Variants in UBE2K observed in about 807,000 individuals in gnomAD.
UBE2K encodes the protein ubiquitin-conjugating enzyme E2 K.
In UBE2K, 6 loss-of-function variants were observed where a neutral mutation model predicts 30.0. The ratio of observed to expected loss-of-function variants is 0.20; its 90% CI spans 0.11 to 0.39. UBE2K has a LOEUF of 0.39. UBE2K is among the 10% of genes least tolerant of loss of function. The pLI, the probability that UBE2K is intolerant of heterozygous loss-of-function variation, is 1.00. For synonymous variants in UBE2K, 86 were observed against 83.7 expected (o/e 1.03, Z -0.15); for missense variants, 61 against 241.6 (o/e 0.25, Z 4.96).
intron 5 of UBE2K, 123 bp from the exon 6 acceptor site, chr4:39,777,559 G>T: frequency 1.0e-6 from 1 of 958,604 alleles, no homozygotes. Context: ...AATGCAAAGT[G>T]AATCACATTT....
At chr4:39,720,280 G>A (rs533174090) in intron 1 of UBE2K, among the ~76,000 whole-genome samples, 84 of 151,528 alleles carry the variant, frequency 5.5e-4, no homozygotes, top group African/African-American at 2.0e-3. Context: ...ATGATGGAAT[G>A]TCCAAGCCCA....
At chr4:39,766,423 A>G (rs1375103637) in intron 4 of UBE2K, among the ~76,000 whole-genome samples, 4 of 150,838 alleles carry the variant, frequency 2.7e-5, no homozygotes, top group East Asian at 3.9e-4. Flanking sequence ...GACACTTTAT[A>G]TATCTTCTTT....
At chr4:39,698,459 C>T in intron 1 of UBE2K, 69 bp downstream of exon 1, 1 of 1,444,128 alleles carries the variant, frequency 6.9e-7, no homozygotes, top group Non-Finnish European at 9.6e-7. Flanking sequence ...GCTGCGACCC[C>T]GATATCCCCG....
chr4:39,758,300 C>T (rs1711632433), intron 4 of UBE2K, among the ~76,000 whole-genome samples: 1 of 152,160 alleles, frequency 6.6e-6, no homozygotes, highest in Non-Finnish European at 1.5e-5. Flanking sequence ...TACCTCTAGC[C>T]TGCATGATTG....
At chr4:39,756,598 G>A (rs182569659) in intron 4 of UBE2K, among the ~76,000 whole-genome samples, 7 of 151,986 alleles carry the variant, frequency 4.6e-5, no homozygotes, top group Admixed American at 3.9e-4. Context: ...GAATACAGGC[G>A]CATACCACCA....
intron 2 of UBE2K, among the ~76,000 whole-genome samples, chr4:39,744,768 G>A (rs1426048054): frequency 1.1e-4 from 17 of 151,364 alleles, no homozygotes; most frequent in Admixed American, 9.9e-4. Flanking sequence ...TTAGCCAGGC[G>A]TGGTGATGGG....
At chr4:39,723,742 G>A (rs572218642) in intron 1 of UBE2K, among the ~76,000 whole-genome samples, 1 of 152,282 alleles carries the variant, frequency 6.6e-6, no homozygotes, top group South Asian at 2.1e-4. Context: ...TTTGTTAAGG[G>A]AAAATAATAA....
intron 4 of UBE2K, among the ~76,000 whole-genome samples, chr4:39,765,938 T>TACATACATACAC (rs1258930076): frequency 1.3e-5 from 2 of 149,384 alleles, no homozygotes; most frequent in African/African-American, 5.0e-5. Context: ...CATACATACA[T>TACATACATACAC]ACACACACAC....
In UBE2K at chr4:39,771,468, C is replaced by G. The variant is rs1712830059; in HGVS notation, c.300-3366C>G. On this transcript the variant is annotated intron_variant, in intron 4 of 6. Coordinates refer to ENST00000261427, the MANE Select transcript of UBE2K (RefSeq NM_005339.5). Reference sequence around the variant, plus strand: ...GGGGGTGGGCAACCCTGGCCCGGTTCCGCGCGCTGTTTTTTTTTAATCCCC... The same window carrying G: ...GGGGGTGGGCAACCCTGGCCCGGTTGCGCGCGCTGTTTTTTTTTAATCCCC... 3.9e-6 allele frequency: 6 copies of G among 1,533,312 alleles called. No individual in the cohort carries two copies. The South Asian group carries it at 7.5e-5, about 19-fold the overall frequency. The allele number at this position is 1,533,312 out of a possible 1,614,324, so 95.0% of individuals were successfully genotyped here.
At chr4:39,767,311 G>T (rs202240350) in intron 4 of UBE2K, among the ~76,000 whole-genome samples, 114 of 108,004 alleles carry the variant, frequency 1.1e-3, no homozygotes, top group African/African-American at 2.3e-3. Flanking sequence ...TTTTTTTTTT[G>T]TGTGTGTGTT....
At chr4:39,712,681 A>G (rs1718776008) in intron 1 of UBE2K, among the ~76,000 whole-genome samples, 1 of 151,912 alleles carries the variant, frequency 6.6e-6, no homozygotes, top group Non-Finnish European at 1.5e-5. Context: ...CGGCCTCCCA[A>G]AGTGCTGGGA....
chr4:39,770,281 T>A, intron 4 of UBE2K: 1 of 1,611,200 alleles, frequency 6.2e-7, no homozygotes, highest in Non-Finnish European at 8.5e-7. Flanking sequence ...GTGAAGCACT[T>A]GCCGCAGATG....
intron 4 of UBE2K, among the ~76,000 whole-genome samples, chr4:39,757,004 T>TG (rs1553878969): frequency 1.7e-4 from 23 of 137,908 alleles, no homozygotes; most frequent in African/African-American, 5.9e-4. Flanking sequence ...TTGGGTGTTT[T>TG]TTTTTTGTTT....
chr4:39,709,191 A>G (rs1718539132), intron 1 of UBE2K, among the ~76,000 whole-genome samples: 1 of 152,052 alleles, frequency 6.6e-6, no homozygotes, highest in African/African-American at 2.4e-5. Flanking sequence ...AACATTCAGT[A>G]AACGGATAGC....
Position 39,718,470 on chromosome 4 carries a change from G to T in UBE2K, c.64-18950G>T, listed in dbSNP as rs1474047019. ...GCCTCACCCAGTGGATCTCGCACCG[G>T]GGCCACAGGTGGAGCTGCCCGCCAG... On this transcript the variant is annotated intron_variant, in intron 1 of 6. Coordinates refer to ENST00000261427, the MANE Select transcript of UBE2K (RefSeq NM_005339.5). Among the ~76,000 whole-genome samples the T allele has an allele frequency of 2.0e-5, 3 of 152,240 alleles. No homozygotes were observed. In the South Asian group the frequency reaches 6.2e-4, roughly 31 times the overall value.
chr4:39,757,682 A>G (rs1245618566), intron 4 of UBE2K, among the ~76,000 whole-genome samples: 1 of 152,144 alleles, frequency 6.6e-6, no homozygotes, highest in East Asian at 1.9e-4. Context: ...GAACTTCTTA[A>G]GTGTCAGTGT....
At chr4:39,752,613 G>A (rs190874672) in intron 3 of UBE2K, among the ~76,000 whole-genome samples, 2 of 152,256 alleles carry the variant, frequency 1.3e-5, no homozygotes, top group African/African-American at 4.8e-5. Context: ...TGGGATTACA[G>A]GCATGAGCCA....
chr4:39,770,997 G>T, intron 4 of UBE2K: 1 of 1,609,364 alleles, frequency 6.2e-7, no homozygotes, highest in Non-Finnish European at 8.5e-7. Flanking sequence ...TGTTGGCGCT[G>T]ACGCTGCTCA....
rs565785223 is a variant in UBE2K at position 39,701,287 on chromosome 4, G to C, written c.63+2897G>C. Among the ~76,000 whole-genome samples, 25 of 152,234 alleles carry C rather than the reference G, an allele frequency of 1.6e-4. No individual in the cohort carries two copies. The East Asian group carries it at 4.6e-3, about 28-fold the overall frequency. On this transcript the variant is annotated intron_variant, in intron 1 of 6. Coordinates refer to ENST00000261427, the MANE Select transcript of UBE2K (RefSeq NM_005339.5). ...CATTTTATAATTAGTTATTTTATGA[G>C]TAGGATTACATAAGTAAATTATTAA...
Sources: allele counts gnomAD v4.1 joint callset (sites outside exome capture counted in the v4.1 genomes callset), GRCh38; gene constraint gnomAD v4.1.1; transcripts MANE v1.5; gene names NCBI Gene and HGNC (gene_info 2026-07-23, HGNC 2026-07-21).